PTPRN2: variants seen among roughly 807,000 people sequenced by gnomAD.
PTPRN2 encodes the protein protein tyrosine phosphatase receptor type N2.
In PTPRN2, 74 loss-of-function variants were observed where a neutral mutation model predicts 118.8. The observed-to-expected ratio is 0.62, with a 90% confidence interval of 0.52 to 0.76. PTPRN2 has a LOEUF of 0.76. Ranked by LOEUF, PTPRN2 falls within the 30% of genes least tolerant of loss-of-function variation. The pLI, the probability that PTPRN2 is intolerant of heterozygous loss-of-function variation, is 0.00. For synonymous variants in PTPRN2, 641 were observed against 608.0 expected (o/e 1.05, Z -0.80); for missense variants, 1,481 against 1,394.4 (o/e 1.06, Z -0.99).
chr7:157,900,288 G>C (rs1311013166), intron 11 of PTPRN2, among the ~76,000 whole-genome samples: 1 of 152,224 alleles, frequency 6.6e-6, no homozygotes, highest in South Asian at 2.1e-4. Context: ...CCACGCCTAA[G>C]TGGATGGTCA....
chr7:158,037,924 G>A (rs1419754338), intron 11 of PTPRN2, among the ~76,000 whole-genome samples: 3 of 152,224 alleles, frequency 2.0e-5, no homozygotes, highest in Non-Finnish European at 4.4e-5. Context: ...TATCACAGAT[G>A]TATGGTGAGT....
At chr7:158,340,693 T>C (rs1327816654) in intron 2 of PTPRN2, among the ~76,000 whole-genome samples, 3 of 85,470 alleles carry the variant, frequency 3.5e-5, no homozygotes, top group African/African-American at 1.3e-4. Context: ...CCATAAGAGG[T>C]GAAACCTGCA....
At chr7:158,396,887 C>T (rs1790156656) in intron 2 of PTPRN2, among the ~76,000 whole-genome samples, 1 of 152,188 alleles carries the variant, frequency 6.6e-6, no homozygotes, top group South Asian at 2.1e-4. Flanking sequence ...CCCCAGAGAA[C>T]ACTGTAAAAG....
chr7:157,591,863 C>T lies in PTPRN2; in HGVS notation c.2496+3375G>A, dbSNP rs373191012. On this transcript the variant is annotated intron_variant, in intron 17 of 22. Coordinates refer to ENST00000389418, the MANE Select transcript of PTPRN2 (RefSeq NM_002847.5). The surrounding 1 kb of genome is among the most constrained non-coding windows in gnomAD (Gnocchi z 4.4). ...GAGGGATCCCCAGGTTGAAGGATGA[C>T]GTGGAAGCAATGACGTCGTGGTCAG... is the stretch of plus-strand genomic sequence containing the variant. 1.1e-4 allele frequency among the ~76,000 whole-genome samples: 16 copies of T among 152,260 alleles called. No individual in the cohort carries two copies. The East Asian group carries it at 2.5e-3, about 24-fold the overall frequency.
intron 3 of PTPRN2, among the ~76,000 whole-genome samples, chr7:158,264,685 G>A (rs1360693842): frequency 6.6e-6 from 1 of 152,178 alleles, no homozygotes; most frequent in African/African-American, 2.4e-5. Context: ...GGAGCCAGGA[G>A]CCGTGGGCTC....
At chr7:158,073,175 C>T (rs1385435246) in intron 11 of PTPRN2, among the ~76,000 whole-genome samples, 2 of 152,224 alleles carry the variant, frequency 1.3e-5, no homozygotes, top group Admixed American at 1.3e-4. Flanking sequence ...GCACTCAGAA[C>T]CATCTCGGCT....
chr7:157,685,361 C>T (rs998979429), intron 12 of PTPRN2, among the ~76,000 whole-genome samples: 1 of 152,050 alleles, frequency 6.6e-6, no homozygotes, highest in East Asian at 1.9e-4. Context: ...GAGGCCCACA[C>T]GCGCGCGGTG....
In PTPRN2 at chr7:158,330,774, G is replaced by A. The variant is rs567586968; in HGVS notation, c.164-13842C>T. ...ACTCTCACCATAAGAGCTGACACCCGCAGACGTCACTCACACCCACACTCT... is the reference window on the plus strand; with the variant it reads ...ACTCTCACCATAAGAGCTGACACCCACAGACGTCACTCACACCCACACTCT... On this transcript the variant is annotated intron_variant, in intron 2 of 22. Coordinates refer to ENST00000389418, the MANE Select transcript of PTPRN2 (RefSeq NM_002847.5). 7.3e-3 allele frequency among the ~76,000 whole-genome samples: 795 copies of A among 108,840 alleles called. 12 individuals are homozygous for A. The highest frequency in any genetic ancestry group is 0.024 in the African/African-American group (742 of 30,916). 71.4% of individuals were successfully genotyped at this position (108,840 alleles called of 152,430 possible).
At chr7:158,273,482 GGGGAGCCGCAGGCACA>G (rs1798668095) in intron 3 of PTPRN2, among the ~76,000 whole-genome samples, 1 of 132,102 alleles carries the variant, frequency 7.6e-6, no homozygotes, top group Non-Finnish European at 1.6e-5. Context: ...GCAGGCACAG[GGGGAGCCGCAGGCACA>G]GGGGGAGCCG....
rs909951341 is a variant in PTPRN2 at position 158,060,790 on chromosome 7, C to T, written c.1723+20508G>A. On this transcript the variant is annotated intron_variant, in intron 11 of 22. Coordinates refer to ENST00000389418, the MANE Select transcript of PTPRN2 (RefSeq NM_002847.5). ...ATGAATATGGGAAGGTTTTGCAAAGCGATGAATGGCATGGAAAGAGACCAT... is the reference window on the plus strand; with the variant it reads ...ATGAATATGGGAAGGTTTTGCAAAGTGATGAATGGCATGGAAAGAGACCAT... Among the ~76,000 whole-genome samples the T allele has an allele frequency of 1.6e-4, 24 of 152,288 alleles. 1 individual carries two copies. The highest frequency in any genetic ancestry group is 5.3e-4 in the African/African-American group (22 of 41,562).
chr7:157,646,603 C>T (rs1348213755), intron 14 of PTPRN2, among the ~76,000 whole-genome samples: 1 of 152,190 alleles, frequency 6.6e-6, no homozygotes, highest in East Asian at 1.9e-4. Flanking sequence ...CCCATGTCCT[C>T]CCACCCAGGG....
intron 2 of PTPRN2, among the ~76,000 whole-genome samples, chr7:158,418,800 C>T (rs536943546): frequency 1.3e-5 from 2 of 152,220 alleles, no homozygotes; most frequent in South Asian, 2.1e-4. Flanking sequence ...TGTACTACAT[C>T]GAGATGCTCC....
intron 1 of PTPRN2, among the ~76,000 whole-genome samples, chr7:158,578,886 C>T (rs1586976284): frequency 1.3e-5 from 2 of 152,264 alleles, no homozygotes; most frequent in East Asian, 3.9e-4. Flanking sequence ...CCTCAGCCCC[C>T]CAAGTAGCTG....
intron 12 of PTPRN2, among the ~76,000 whole-genome samples, chr7:157,747,002 T>C (rs149651833): frequency 0.04 from 4,395 of 109,506 alleles, 274 homozygotes; most frequent in African/African-American, 0.095. Context: ...CTGAGGCCTG[T>C]GTCCCTGAGC....
chr7:158,035,558 C>T (rs139265961), intron 11 of PTPRN2, among the ~76,000 whole-genome samples: 45 of 152,248 alleles, frequency 3.0e-4, no homozygotes, highest in Non-Finnish European at 5.7e-4. Context: ...CAGCGCACCC[C>T]CAAGGACTGT....
chr7:158,326,734 A>G (rs1175496716), intron 2 of PTPRN2, among the ~76,000 whole-genome samples: 1 of 146,728 alleles, frequency 6.8e-6, no homozygotes, highest in African/African-American at 2.5e-5. Context: ...ATACATTCTC[A>G]CACACATGCA....
rs143102307 is a variant in PTPRN2, at chr7:158,158,405, C to T, written c.910+8526G>A. On this transcript the variant is annotated intron_variant, in intron 6 of 22. Coordinates refer to ENST00000389418, the MANE Select transcript of PTPRN2 (RefSeq NM_002847.5). ...AGGAAGTGGGCACCCCACCAGCCAA[C>T]GCAGGACCTCAGGGTCACGGAAGGC... is the stretch of plus-strand genomic sequence containing the variant. 5.9e-3 allele frequency among the ~76,000 whole-genome samples: 905 copies of T among 152,302 alleles called. 5 individuals carry two copies. The highest frequency in any genetic ancestry group is 0.02 in the African/African-American group (849 of 41,538).
intron 11 of PTPRN2, among the ~76,000 whole-genome samples, chr7:157,898,957 C>T (rs764305585): frequency 6.6e-5 from 10 of 152,236 alleles, no homozygotes; most frequent in Non-Finnish European, 1.0e-4. Context: ...CACAACTGTG[C>T]GCTTTTGGTT....
At chr7:157,593,173 C>T (rs1302916444) in intron 17 of PTPRN2, among the ~76,000 whole-genome samples, 7 of 106,016 alleles carry the variant, frequency 6.6e-5, no homozygotes, top group East Asian at 2.9e-4. Context: ...TGAGCATGGA[C>T]ACCGAGAGCC....
Sources: allele counts gnomAD v4.1 joint callset (sites outside exome capture counted in the v4.1 genomes callset), GRCh38; gene constraint gnomAD v4.1.1; non-coding constraint Gnocchi (gnomAD v3.1); transcripts MANE v1.5; gene names NCBI Gene and HGNC (gene_info 2026-07-23, HGNC 2026-07-21).